The following CACNA1E variants were observed in gnomAD, a reference collection of about 807,000 sequenced individuals.
CACNA1E encodes voltage-dependent R-type calcium channel subunit alpha-1E.
Under a neutral mutation model 259.2 loss-of-function variants are expected in CACNA1E, and 40 were observed. The ratio of observed to expected loss-of-function variants is 0.15; its 90% CI spans 0.12 to 0.20. CACNA1E has a LOEUF of 0.20. Among genes scored for constraint, CACNA1E ranks in the 10% least tolerant of loss-of-function variants. CACNA1E has a pLI of 1.00. For synonymous variants in CACNA1E, 1,104 were observed against 1,138.5 expected (o/e 0.97, Z 0.61); for missense variants, 1,874 against 3,040.1 (o/e 0.62, Z 9.02).
chr1:181,677,325 G>A lies in CACNA1E; in HGVS notation c.1055+25884G>A, dbSNP rs115699587. Among the ~76,000 whole-genome samples the A allele has an allele frequency of 6.3e-3, 956 of 152,096 alleles. 11 individuals carry two copies. Among genetic ancestry groups the A allele is most frequent in the African/African-American group, 0.022 (919 of 41,486 alleles). ...CTCAGCTGGTTTCATAATCAGGAGGGGAATAAAAGGAAAATTGTATACTGA... is the reference window on the plus strand; with the variant it reads ...CTCAGCTGGTTTCATAATCAGGAGGAGAATAAAAGGAAAATTGTATACTGA... On this transcript the variant is annotated intron_variant, in intron 7 of 47. Coordinates refer to ENST00000367573, the MANE Select transcript of CACNA1E (RefSeq NM_001205293.3).
At chr1:181,376,824 A>G (rs1655129977) in intron 1 of CACNA1E, among the ~76,000 whole-genome samples, 2 of 138,828 alleles carry the variant, frequency 1.4e-5, no homozygotes, top group Admixed American at 1.5e-4. Context: ...AATTAGACCC[A>G]TTAAAGAGTC....
At chr1:181,707,775 A>G (rs1652936840) in intron 7 of CACNA1E, among the ~76,000 whole-genome samples, 1 of 152,080 alleles carries the variant, frequency 6.6e-6, no homozygotes, top group East Asian at 1.9e-4. Flanking sequence ...GTTAGCCTGG[A>G]TATTTGTCAT....
At chr1:181,781,347 C>T in intron 38 of CACNA1E, 80 bp from the exon 39 acceptor site, 2 of 720,296 alleles carry the variant, frequency 2.8e-6, no homozygotes, top group Non-Finnish European at 5.1e-6. Flanking sequence ...GCATCCTTCT[C>T]CCCACTTCCT....
intron 7 of CACNA1E, among the ~76,000 whole-genome samples, chr1:181,677,500 G>A (rs1649498190): frequency 6.6e-6 from 1 of 152,166 alleles, no homozygotes; most frequent in African/African-American, 2.4e-5. Flanking sequence ...TCGCAGGTCA[G>A]TTGGAAAAGA....
At chr1:181,453,611 T>G (rs572620879) in intron 2 of CACNA1E, among the ~76,000 whole-genome samples, 1 of 152,312 alleles carries the variant, frequency 6.6e-6, no homozygotes, top group Non-Finnish European at 1.5e-5. Flanking sequence ...ATTAGTATTA[T>G]GCTAAGTAAC....
intron 3 of CACNA1E, among the ~76,000 whole-genome samples, chr1:181,550,730 G>A (rs1175940648): frequency 6.6e-6 from 1 of 150,510 alleles, no homozygotes; most frequent in Non-Finnish European, 1.5e-5. Flanking sequence ...TTTTTTTTTG[G>A]TAGCAGACAG....
At chr1:181,620,879 C>G (rs949997175) in intron 6 of CACNA1E, among the ~76,000 whole-genome samples, 41 of 152,200 alleles carry the variant, frequency 2.7e-4, no homozygotes, top group African/African-American at 9.9e-4. Flanking sequence ...AGGAAGAGGG[C>G]TTCCTAGTGT....
At chr1:181,721,416 G>A (rs989946964) in intron 15 of CACNA1E, among the ~76,000 whole-genome samples, 6 of 152,080 alleles carry the variant, frequency 3.9e-5, no homozygotes, top group Admixed American at 6.5e-5. Flanking sequence ...CCTGTATCTG[G>A]GCAGCTCTGA....
chr1:181,478,698 A>G (rs980371671), upstream of CACNA1E, among the ~76,000 whole-genome samples: 3 of 152,252 alleles, frequency 2.0e-5, no homozygotes, highest in East Asian at 3.8e-4. Context: ...ATTTGGATGA[A>G]GCCCACATTC....
At chr1:181,746,481 C>T (rs1240009438) in intron 25 of CACNA1E, among the ~76,000 whole-genome samples, 1 of 152,172 alleles carries the variant, frequency 6.6e-6, no homozygotes, top group East Asian at 1.9e-4. Context: ...TTATGTTAAG[C>T]GCCCTTCTAC....
chr1:181,578,076 CT>C (rs1305568178), intron 4 of CACNA1E, among the ~76,000 whole-genome samples: 3 of 152,136 alleles, frequency 2.0e-5, no homozygotes, highest in African/African-American at 7.2e-5. Context: ...AATAGAAAAT[CT>C]TTACAGAAAA....
chr1:181,602,001 C>A (rs1283768928), intron 6 of CACNA1E, among the ~76,000 whole-genome samples: 1 of 151,922 alleles, frequency 6.6e-6, no homozygotes, highest in Non-Finnish European at 1.5e-5. Flanking sequence ...AACATTCTTC[C>A]CAGTTATCAG....
chr1:181,545,512 C>G (rs1259979594), intron 3 of CACNA1E, among the ~76,000 whole-genome samples: 5 of 152,140 alleles, frequency 3.3e-5, no homozygotes, highest in Non-Finnish European at 5.9e-5. Context: ...TCCCCCCACA[C>G]TGAGGTGGGA....
chr1:181,635,491 T>C (rs1657127274), intron 6 of CACNA1E, among the ~76,000 whole-genome samples: 1 of 152,204 alleles, frequency 6.6e-6, no homozygotes, highest in Non-Finnish European at 1.5e-5. Flanking sequence ...TCTCTCTTTT[T>C]TTACTCCTAG....
chr1:181,713,709 G>C (rs757892088), intron 8 of CACNA1E, among the ~76,000 whole-genome samples: 1 of 152,128 alleles, frequency 6.6e-6, no homozygotes, highest in Non-Finnish European at 1.5e-5. Context: ...AATGTTTAAC[G>C]AGGCCTCTGG....
intron 4 of CACNA1E, 145 bp downstream of exon 4, chr1:181,578,014 A>C: frequency 2.1e-6 from 1 of 475,590 alleles, no homozygotes; most frequent in South Asian, 4.1e-5. Context: ...GAGATGGAGC[A>C]ATCTGGTGTA....
intron 7 of CACNA1E, among the ~76,000 whole-genome samples, chr1:181,710,710 AAGCAATC>A (rs1653265423): frequency 6.6e-6 from 1 of 152,226 alleles, no homozygotes. Context: ...AAAACAGAGC[AAGCAATC>A]AGTTGGTCCT....
intron 7 of CACNA1E, among the ~76,000 whole-genome samples, chr1:181,675,526 G>T (rs989328086): frequency 6.6e-6 from 1 of 152,136 alleles, no homozygotes; most frequent in Non-Finnish European, 1.5e-5. Flanking sequence ...GTTCATGGAG[G>T]AGAGAAGAGG....
intron 1 of CACNA1E, among the ~76,000 whole-genome samples, chr1:181,354,122 G>A (rs573969281): frequency 6.6e-6 from 1 of 150,518 alleles, no homozygotes; most frequent in African/African-American, 2.5e-5. Flanking sequence ...TATCAGACTG[G>A]CAGCTGAATA....
Sources: gnomAD v4.1 joint callset for allele counts (sites outside exome capture counted in the v4.1 genomes callset) on GRCh38, gnomAD v4.1.1 for gene constraint, MANE v1.5 for transcripts, NCBI Gene and HGNC (gene_info 2026-07-23, HGNC 2026-07-21) for gene names.